C6orf47: variants seen among roughly 807,000 people sequenced by gnomAD.
The protein encoded by C6orf47 is uncharacterized protein C6orf47.
A neutral mutation model predicts 5.6 loss-of-function variants in C6orf47; 1 was observed. The observed-to-expected ratio is 0.18, with a 90% confidence interval of 0.06 to 0.85. C6orf47 has a LOEUF of 0.85. Ranked by LOEUF, C6orf47 falls within the 40% of genes least tolerant of loss-of-function variation. C6orf47 has a pLI of 0.70. For missense variants in C6orf47, 323 were observed against 367.1 expected (o/e 0.88, Z 0.98); for synonymous variants, 149 against 161.7 (o/e 0.92, Z 0.60).
Position 31,660,210 on chromosome 6 carries a change from A to C in C6orf47, c.-263T>G. The C allele has an allele frequency of 4.0e-6, 2 of 502,466 alleles. No individual in the cohort carries two copies. The highest frequency in any genetic ancestry group is 2.0e-5 in the African/African-American group (1 of 51,108). The allele number at this position is 502,466 out of a possible 1,614,324, so 31.1% of individuals were successfully genotyped here. On this transcript the variant is annotated 5_prime_UTR_variant, in exon 1 of 1. Transcript: ENST00000375911. This position sits in a 1 kb window ranked among gnomAD's most constrained non-coding sequence, Gnocchi z 4.7. ...TTCATTCACCATCCACACCCCCACA[A>C]TCTGAGATTCCAAGAATCTCAGATC...
Position 31,659,515 on chromosome 6 carries a change from A to G in C6orf47, c.433T>C (p.Leu145=), listed in dbSNP as rs757383485. Residue 145 remains leucine, a synonymous_variant, in exon 1 of 1, where the codon TTG becomes CTG. Coordinates refer to ENST00000375911, the MANE Select transcript of C6orf47 (RefSeq NM_021184.4). The surrounding 1 kb of genome is among the most constrained non-coding windows in gnomAD (Gnocchi z 5.6). ...GLSVPGPGAP[L]EKPGRREKLL... ...TTCTCACGCCTACCAGGTTTCTCCAATGGGGCTCCTGGCCCAGGGACGCTC... is the reference window on the plus strand; with the variant it reads ...TTCTCACGCCTACCAGGTTTCTCCAGTGGGGCTCCTGGCCCAGGGACGCTC... The G allele has an allele frequency of 6.2e-6, 10 of 1,612,920 alleles. No individual in the cohort carries two copies. The highest frequency in any genetic ancestry group is 1.6e-4 in the Middle Eastern group (1 of 6,084).
Position 31,660,294 on chromosome 6 carries a change from G to T in C6orf47, c.-347C>A, listed in dbSNP as rs1800675489. On this transcript the variant is annotated 5_prime_UTR_variant, in exon 1 of 1. In the 5' UTR this introduces an upstream ATG that the reference lacks. Coordinates refer to ENST00000375911, the MANE Select transcript of C6orf47 (RefSeq NM_021184.4). The surrounding 1 kb of genome is among the most constrained non-coding windows in gnomAD (Gnocchi z 4.7). ...TCTGCGTTTCCGGATTTCCTTCCCA[G>T]CAGGCAGCACCCCAAGTTTCACTCA... The T allele has an allele frequency of 6.3e-6, 2 of 317,790 alleles. No homozygotes were observed. Among genetic ancestry groups the T allele is most frequent in the South Asian group, 1.4e-4 (2 of 13,994 alleles). The allele number at this position is 317,790 out of a possible 1,614,324, so 19.7% of individuals were successfully genotyped here.
rs1800499255 is a variant in C6orf47 at position 31,659,192 on chromosome 6, G to C, written c.756C>G (p.Leu252=). The change falls in exon 1 of 1, where the codon CTC becomes CTG. Residue 252 remains leucine, a synonymous_variant. Transcript: ENST00000375911. This position sits in a 1 kb window ranked among gnomAD's most constrained non-coding sequence, Gnocchi z 5.6. The stretch of plus-strand genomic sequence containing the variant: ...TGACAGCCAGCACCAAGGCCTGCAG[G>C]AGACCAAAGAGGCAGGCGAAGTGCA... ...HPLHFACLFG[L]LQALVLAVSL... 6.2e-7 allele frequency: 1 copy of C among 1,612,906 alleles called. No individual in the cohort carries two copies. The highest frequency in any genetic ancestry group is 8.5e-7 in the Non-Finnish European group (1 of 1,180,030).
rs1277633838 is a variant in C6orf47 at position 31,660,139 on chromosome 6, A to T, written c.-192T>A. On this transcript the variant is annotated 5_prime_UTR_variant, in exon 1 of 1. Coordinates refer to ENST00000375911, the MANE Select transcript of C6orf47 (RefSeq NM_021184.4). This position sits in a 1 kb window ranked among gnomAD's most constrained non-coding sequence, Gnocchi z 4.7. ...TCATGCAGCCTCAAGTGTGGCAAGT[A>T]GTTTGCTTCCTCTTCAGTTCTGGGG... 12 of 687,668 alleles carry T rather than the reference A, an allele frequency of 1.7e-5. No individual in the cohort carries two copies. 42.6% of individuals were successfully genotyped at this position (687,668 alleles called of 1,614,324 possible).
At position 31,659,017 on chromosome 6, in the gene C6orf47, T is replaced by C. The variant is rs1425715074; in HGVS notation, c.*46A>G. 1.3e-6 allele frequency: 2 copies of C among 1,572,820 alleles called. No individual in the cohort carries two copies. Among genetic ancestry groups the C allele is most frequent in the African/African-American group, 2.7e-5 (2 of 73,900 alleles). On this transcript the variant is annotated 3_prime_UTR_variant, in exon 1 of 1. Coordinates refer to ENST00000375911, the MANE Select transcript of C6orf47 (RefSeq NM_021184.4). The surrounding 1 kb of genome is among the most constrained non-coding windows in gnomAD (Gnocchi z 5.6). ...CAATTTGGGTCATGCCTCACACTTT[T>C]CTCCTAAAGCCCACACTCTCTTCAC...
rs1414929865 is a variant in C6orf47 at position 31,659,707 on chromosome 6, C to T, written c.241G>A (p.Glu81Lys). ...TCCATTCTTTTGCTCCCTAGCTGCT[C>T]AACTTGGGGCTCCTCCTTGCTTGGT... ...SEPSKEEPQV[E>K]QLGSKRMDSL... The change falls in exon 1 of 1, where the codon GAG (glutamate) becomes AAG (lysine). Residue 81 changes from glutamate (E) to lysine (K), a missense_variant. Transcript: ENST00000375911. The surrounding 1 kb of genome is among the most constrained non-coding windows in gnomAD (Gnocchi z 5.6). 1.2e-6 allele frequency: 2 copies of T among 1,613,084 alleles called. No individual in the cohort carries two copies. Among genetic ancestry groups the T allele is most frequent in the Non-Finnish European group, 1.7e-6 (2 of 1,180,026 alleles).
Position 31,659,716 on chromosome 6 carries a change from GCTC to G in C6orf47, c.229_231del (p.Glu77del). The G allele has an allele frequency of 6.2e-7, 1 of 1,613,044 alleles. No individual in the cohort carries two copies. The highest frequency in any genetic ancestry group is 2.2e-5 in the East Asian group (1 of 44,884). On this transcript the variant is annotated inframe_deletion, in exon 1 of 1. Transcript: ENST00000375911. This position sits in a 1 kb window ranked among gnomAD's most constrained non-coding sequence, Gnocchi z 5.6. ...TTGCTCCCTAGCTGCTCAACTTGGG[GCTC>G]CTCCTTGCTTGGTTCGGAAGCAGCC...
chr6:31,659,302 C>T lies in C6orf47; in HGVS notation c.646G>A (p.Gly216Ser), dbSNP rs1425156961. The T allele has an allele frequency of 6.2e-7, 1 of 1,613,084 alleles. No individual in the cohort carries two copies. The highest frequency in any genetic ancestry group is 1.7e-5 in the Admixed American group (1 of 60,036). The change falls in exon 1 of 1, where the codon GGC becomes AGC. Residue 216 changes from glycine to serine, a missense_variant. Gly to Ser is a moderately conservative substitution (Grantham distance 56). Coordinates refer to ENST00000375911, the MANE Select transcript of C6orf47 (RefSeq NM_021184.4). This position sits in a 1 kb window ranked among gnomAD's most constrained non-coding sequence, Gnocchi z 5.6. ...LDTLGLRGPL[G>S]LWLHGLLSFL... ...GACAGTAGGCCATGTAGCCAGAGGC[C>T]CAGCGGTCCACGCAGGCCCAGTGTG...
chr6:31,660,009 C>T lies in C6orf47; in HGVS notation c.-62G>A, dbSNP rs1800644754. 1 of 1,477,462 alleles carries T rather than the reference C, an allele frequency of 6.8e-7. No individual in the cohort carries two copies. The highest frequency in any genetic ancestry group is 1.4e-5 in the South Asian group (1 of 72,946). The allele number at this position is 1,477,462 out of a possible 1,614,324, so 91.5% of individuals were successfully genotyped here. The stretch of plus-strand genomic sequence containing the variant: ...TGCTTCCTGGCACTACTCAGACTCT[C>T]AGGATCTCCTCAGAAGCCAGAGTCT... On this transcript the variant is annotated 5_prime_UTR_variant, in exon 1 of 1. The change abolishes the stop of an existing upstream ORF in the 5' untranslated region. Coordinates refer to ENST00000375911, the MANE Select transcript of C6orf47 (RefSeq NM_021184.4). This position sits in a 1 kb window ranked among gnomAD's most constrained non-coding sequence, Gnocchi z 4.7.
Position 31,659,726 on chromosome 6 carries a change from G to C in C6orf47, c.222C>G (p.Ser74Arg). The C allele has an allele frequency of 6.2e-7, 1 of 1,613,026 alleles. No homozygotes were observed. The highest frequency in any genetic ancestry group is 8.5e-7 in the Non-Finnish European group (1 of 1,180,002). ...GCTGCTCAACTTGGGGCTCCTCCTTGCTTGGTTCGGAAGCAGCCCCAGAAA... is the reference window on the plus strand; with the variant it reads ...GCTGCTCAACTTGGGGCTCCTCCTTCCTTGGTTCGGAAGCAGCCCCAGAAA... The part of the protein sequence containing the change: ...LRVSGAASEP[S>R]KEEPQVEQLG... Residue 74 changes from serine (S) to arginine (R), a missense_variant, in exon 1 of 1, where the codon AGC becomes AGG. Physicochemically the swap from Ser to Arg is moderately radical, Grantham distance 110. Coordinates refer to ENST00000375911, the MANE Select transcript of C6orf47 (RefSeq NM_021184.4). This position sits in a 1 kb window ranked among gnomAD's most constrained non-coding sequence, Gnocchi z 5.6.
At position 31,660,029 on chromosome 6, in the gene C6orf47, G is replaced by GAA; in HGVS notation, c.-83_-82insTT. ...ACTCTCAGGATCTCCTCAGAAGCCA[G>GAA]AGTCTTTCTGGCTCAGAACAGGTAT... On this transcript the variant is annotated 5_prime_UTR_variant, in exon 1 of 1. It introduces an in-frame stop codon into an upstream open reading frame of the 5' UTR. Transcript: ENST00000375911. The surrounding 1 kb of genome is among the most constrained non-coding windows in gnomAD (Gnocchi z 4.7). 7.0e-7 allele frequency: 1 copy of GAA among 1,437,514 alleles called. No homozygotes were observed. The highest frequency in any genetic ancestry group is 9.2e-7 in the Non-Finnish European group (1 of 1,082,710). 89.0% of individuals were successfully genotyped at this position (1,437,514 alleles called of 1,614,324 possible).
In C6orf47 at chr6:31,658,506, A is replaced by C; in HGVS notation, c.*557T>G. On this transcript the variant is annotated 3_prime_UTR_variant, in exon 1 of 1. Transcript: ENST00000375911. ...TGCCAATACTGCCTGCACTGTCCCC[A>C]CTCCCTCTGGCTCCCATGATCACCA... 1 of 226,780 alleles carries C rather than the reference A, an allele frequency of 4.4e-6. No individual in the cohort carries two copies. The highest frequency in any genetic ancestry group is 1.1e-4 in the East Asian group (1 of 9,402). The allele number at this position is 226,780 out of a possible 1,614,324, so 14.0% of individuals were successfully genotyped here. A position where few individuals can be genotyped will look rare whatever the true frequency, so the allele number is the denominator to read the frequency against.
In C6orf47 at chr6:31,658,442, A is replaced by C; in HGVS notation, c.*621T>G. On this transcript the variant is annotated 3_prime_UTR_variant, in exon 1 of 1. Transcript: ENST00000375911. Reference sequence around the variant, plus strand: ...GACTACAGGCTTCAGTGCTTCCCCCACACTGCCTGAGCTACCAGCCCTTCT... The same window carrying C: ...GACTACAGGCTTCAGTGCTTCCCCCCCACTGCCTGAGCTACCAGCCCTTCT... 1 of 368,634 alleles carries C rather than the reference A, an allele frequency of 2.7e-6. No homozygotes were observed. The highest frequency in any genetic ancestry group is 5.4e-5 in the East Asian group (1 of 18,416). 22.8% of individuals were successfully genotyped at this position (368,634 alleles called of 1,614,324 possible). A position where few individuals can be genotyped will look rare whatever the true frequency, so the allele number is the denominator to read the frequency against.
rs1800446339 is a variant in C6orf47 at position 31,658,886 on chromosome 6, C to T, written c.*177G>A. 1.2e-5 allele frequency: 7 copies of T among 579,550 alleles called. No homozygotes were observed. The highest frequency in any genetic ancestry group is 2.0e-5 in the Non-Finnish European group (7 of 348,812). The allele number at this position is 579,550 out of a possible 1,614,324, so 35.9% of individuals were successfully genotyped here. On this transcript the variant is annotated 3_prime_UTR_variant, in exon 1 of 1. Transcript: ENST00000375911. ...ATCCAAGAGCAGTGCCCTCACTGTC[C>T]ATAAACACAAACACCCTAAATAGTT...
chr6:31,659,998 ACTC>A lies in C6orf47; in HGVS notation c.-54_-52del. The A allele has an allele frequency of 2.0e-6, 3 of 1,496,410 alleles. No homozygotes were observed. Among genetic ancestry groups the A allele is most frequent in the Non-Finnish European group, 2.7e-6 (3 of 1,121,154 alleles). 92.7% of individuals were successfully genotyped at this position (1,496,410 alleles called of 1,614,324 possible). A position where few individuals can be genotyped will look rare whatever the true frequency, so the allele number is the denominator to read the frequency against. On this transcript the variant is annotated 5_prime_UTR_variant, in exon 1 of 1. Transcript: ENST00000375911. This position sits in a 1 kb window ranked among gnomAD's most constrained non-coding sequence, Gnocchi z 5.6. ...AATTCTGAGGCTGCTTCCTGGCACTACTCAGACTCTCAGGATCTCCTCAGAAGC... is the reference window on the plus strand; with the variant it reads ...AATTCTGAGGCTGCTTCCTGGCACTAAGACTCTCAGGATCTCCTCAGAAGC...
Position 31,659,015 on chromosome 6 carries a change from T to G in C6orf47, c.*48A>C. On this transcript the variant is annotated 3_prime_UTR_variant, in exon 1 of 1. Coordinates refer to ENST00000375911, the MANE Select transcript of C6orf47 (RefSeq NM_021184.4). This position sits in a 1 kb window ranked among gnomAD's most constrained non-coding sequence, Gnocchi z 5.6. Reference sequence around the variant, plus strand: ...TACAATTTGGGTCATGCCTCACACTTTTCTCCTAAAGCCCACACTCTCTTC... The same window carrying G: ...TACAATTTGGGTCATGCCTCACACTGTTCTCCTAAAGCCCACACTCTCTTC... 1 of 1,571,856 alleles carries G rather than the reference T, an allele frequency of 6.4e-7. No individual in the cohort carries two copies. The highest frequency in any genetic ancestry group is 1.4e-5 in the African/African-American group (1 of 73,978).
rs1469992255 is a variant in C6orf47 at position 31,660,591 on chromosome 6, G to A, written c.-644C>T. 1 of 167,226 alleles carries A rather than the reference G, an allele frequency of 6.0e-6. No individual in the cohort carries two copies. Among genetic ancestry groups the A allele is most frequent in the Non-Finnish European group, 1.5e-5 (1 of 68,240 alleles). The allele number at this position is 167,226 out of a possible 1,614,324, so 10.4% of individuals were successfully genotyped here. A position where few individuals can be genotyped will look rare whatever the true frequency, so the allele number is the denominator to read the frequency against. ...TGGCCCGCGAACACGCAGCAGAGAC[G>A]CGGCCTCCACAAGGTCAGAACTAAG... On this transcript the variant is annotated 5_prime_UTR_variant, in exon 1 of 1. Coordinates refer to ENST00000375911, the MANE Select transcript of C6orf47 (RefSeq NM_021184.4). This position sits in a 1 kb window ranked among gnomAD's most constrained non-coding sequence, Gnocchi z 4.7.
Position 31,659,610 on chromosome 6 carries a change from G to C in C6orf47, c.338C>G (p.Pro113Arg), listed in dbSNP as rs1358260830. ...ATCCACATGATCCCATCTGAGTTTG[G>C]GACTGGCCCCTCCAGCCTCCAGTCT... Reference protein sequence around the residue: ...SGRLEAGGASPKLRWDHVDSG... With the variant: ...SGRLEAGGASRKLRWDHVDSG... The change falls in exon 1 of 1, where the codon CCC becomes CGC. Residue 113 changes from proline (P) to arginine (R), a missense_variant. Pro to Arg is a moderately radical substitution (Grantham distance 103). Transcript: ENST00000375911. This position sits in a 1 kb window ranked among gnomAD's most constrained non-coding sequence, Gnocchi z 5.6. The C allele has an allele frequency of 6.2e-7, 1 of 1,612,706 alleles. No homozygotes were observed. The highest frequency in any genetic ancestry group is 8.5e-7 in the Non-Finnish European group (1 of 1,180,020).
Position 31,659,433 on chromosome 6 carries a change from G to A in C6orf47, c.515C>T (p.Pro172Leu). Residue 172 changes from proline to leucine, a missense_variant, in exon 1 of 1, where the codon CCA becomes CTA. By Grantham distance (98) the Pro-to-Leu change is moderately conservative. Transcript: ENST00000375911. This position sits in a 1 kb window ranked among gnomAD's most constrained non-coding sequence, Gnocchi z 5.6. Reference sequence around the variant, plus strand: ...GGTGGAGATCTGCAGACACTCTTCTGGGCCCCCCAAGTACCGGGAGGGAGC... The same window carrying A: ...GGTGGAGATCTGCAGACACTCTTCTAGGCCCCCCAAGTACCGGGAGGGAGC... Reference protein sequence around the residue: ...PGAPSRYLGGPEECLQISTNL... With the variant: ...PGAPSRYLGGLEECLQISTNL... 1 of 1,612,882 alleles carries A rather than the reference G, an allele frequency of 6.2e-7. No homozygotes were observed. The highest frequency in any genetic ancestry group is 8.5e-7 in the Non-Finnish European group (1 of 1,179,946).
Sources: allele counts gnomAD v4.1 joint callset, GRCh38; gene constraint gnomAD v4.1.1; non-coding constraint Gnocchi (gnomAD v3.1); transcripts MANE v1.5; gene names NCBI Gene and HGNC (gene_info 2026-07-23, HGNC 2026-07-21).